Variants in CNBD1 observed in about 807,000 individuals in gnomAD.
CNBD1 encodes cyclic nucleotide-binding domain-containing protein 1.
CNBD1 carries 71 observed loss-of-function variants against 54.4 expected under a neutral mutation model. The ratio of observed to expected loss-of-function variants is 1.30; its 90% CI spans 1.08 to 1.59. CNBD1 has a LOEUF of 1.59. CNBD1 is among the 40% of genes most tolerant of loss of function. The pLI is 0.00. For missense variants in CNBD1, 659 were observed against 518.0 expected, an observed-to-expected ratio of 1.27 and a Z score of -2.64; for synonymous variants, 182 against 170.7, an observed-to-expected ratio of 1.07 and a Z score of -0.51.
intron 4 of CNBD1, among the ~76,000 whole-genome samples, chr8:87,032,536 G>C (rs1809817595): frequency 6.6e-6 from 1 of 152,126 alleles, no homozygotes; most frequent in African/African-American, 2.4e-5. Flanking sequence ...TGAGGAGCAG[G>C]AGAAAGAGGA....
At chr8:86,914,928 G>A (rs1001585490) in intron 3 of CNBD1, among the ~76,000 whole-genome samples, 5 of 152,248 alleles carry the variant, frequency 3.3e-5, no homozygotes, top group South Asian at 4.1e-4. Flanking sequence ...AATTATAACC[G>A]CCCAATGGGT....
chr8:87,011,248 C>A (rs1435097753), intron 4 of CNBD1, among the ~76,000 whole-genome samples: 2 of 146,282 alleles, frequency 1.4e-5, no homozygotes, highest in African/African-American at 5.0e-5. Context: ...CTAAAGAATT[C>A]TCTGCTTAGA....
chr8:87,369,942 T>C (rs1321986161), intron 10 of CNBD1, among the ~76,000 whole-genome samples: 1 of 152,066 alleles, frequency 6.6e-6, no homozygotes, highest in African/African-American at 2.4e-5. Flanking sequence ...GTGTTCTCAT[T>C]GTTCAATTCC....
At chr8:86,930,278 G>T (rs1048783439) in intron 3 of CNBD1, among the ~76,000 whole-genome samples, 1 of 152,192 alleles carries the variant, frequency 6.6e-6, no homozygotes, top group Non-Finnish European at 1.5e-5. Context: ...CTAGATATTT[G>T]ACTTGTTGTA....
At chr8:87,236,861 T>C (rs899536039) in intron 5 of CNBD1, 58 bp from the exon 6 acceptor site, 1 of 1,001,796 alleles carries the variant, frequency 1.0e-6, no homozygotes, top group Non-Finnish European at 1.5e-6. Flanking sequence ...ATATTAGTCA[T>C]ATCTATATCA....
At chr8:87,392,379 C>T (rs1811325791) in intron 2 of CNBD1, among the ~76,000 whole-genome samples, 1 of 151,896 alleles carries the variant, frequency 6.6e-6, no homozygotes, top group African/African-American at 2.4e-5. Flanking sequence ...CAGCATTATT[C>T]ATAATAGCCA....
chr8:86,959,889 C>T (rs763193983), intron 4 of CNBD1, among the ~76,000 whole-genome samples: 9 of 152,136 alleles, frequency 5.9e-5, no homozygotes, highest in Admixed American at 2.0e-4. Flanking sequence ...AGCTGTGTTC[C>T]GTTGTTGGCG....
intron 2 of CNBD1, among the ~76,000 whole-genome samples, chr8:86,896,412 T>G (rs553105977): frequency 6.6e-6 from 1 of 152,272 alleles, no homozygotes; most frequent in East Asian, 1.9e-4. Context: ...ACAATATTAA[T>G]TTTTCTGATC....
chr8:87,149,102 A>G (rs1812548483), intron 4 of CNBD1, among the ~76,000 whole-genome samples: 2 of 152,196 alleles, frequency 1.3e-5, no homozygotes, highest in African/African-American at 4.8e-5. Context: ...AGGCTCAGAA[A>G]TCTAGAGGTT....
At chr8:86,905,711 C>T (rs944448740) in intron 3 of CNBD1, among the ~76,000 whole-genome samples, 5 of 152,026 alleles carry the variant, frequency 3.3e-5, no homozygotes, top group African/African-American at 9.7e-5. Context: ...AAGGGTGTTG[C>T]GGAAGGTGTA....
intron 6 of CNBD1, among the ~76,000 whole-genome samples, chr8:87,256,489 G>A (rs757411640): frequency 4.6e-5 from 7 of 151,886 alleles, no homozygotes; most frequent in East Asian, 3.9e-4. Flanking sequence ...AGCTTCACTC[G>A]TCCCAGGTTG....
chr8:87,337,509 C>T (rs1809970470), intron 8 of CNBD1, among the ~76,000 whole-genome samples: 1 of 152,224 alleles, frequency 6.6e-6, no homozygotes, highest in Non-Finnish European at 1.5e-5. Context: ...GTGGTGATGG[C>T]CATTCCCTCC....
intron 6 of CNBD1, among the ~76,000 whole-genome samples, chr8:87,276,008 A>T (rs1205209887): frequency 3.3e-5 from 5 of 151,992 alleles, no homozygotes; most frequent in Admixed American, 2.0e-4. Flanking sequence ...AATCCACCTT[A>T]CAAGGGACCT....
intron 8 of CNBD1, among the ~76,000 whole-genome samples, chr8:87,303,453 A>G (rs201313255): frequency 7.3e-5 from 11 of 151,600 alleles, no homozygotes; most frequent in African/African-American, 2.4e-5. Context: ...GCTGAAACTG[A>G]ATCCCTTCCT....
chr8:87,375,647 G>T (rs922001543), intron 10 of CNBD1, among the ~76,000 whole-genome samples: 2 of 151,804 alleles, frequency 1.3e-5, no homozygotes, highest in East Asian at 1.9e-4. Flanking sequence ...CCATTCCAAA[G>T]CTTCAAAGAA....
chr8:87,410,753 A>C (rs925158414), intron 2 of CNBD1, among the ~76,000 whole-genome samples: 4 of 152,136 alleles, frequency 2.6e-5, no homozygotes, highest in African/African-American at 7.2e-5. Context: ...TGAAAGGAAG[A>C]GTCAGCTGAT....
intron 6 of CNBD1, among the ~76,000 whole-genome samples, chr8:87,241,267 G>GTTTTTTTTTTTTTTT: frequency 8.6e-6 from 1 of 116,658 alleles, no homozygotes; most frequent in African/African-American, 4.1e-5. Flanking sequence ...GTATTTGGAA[G>GTTTTTTTTTTTTTTT]ATTTTTTTTT....
At chr8:87,250,001 G>T (rs369066792) in intron 6 of CNBD1, among the ~76,000 whole-genome samples, 6 of 152,186 alleles carry the variant, frequency 3.9e-5, no homozygotes, top group African/African-American at 1.4e-4. Flanking sequence ...AAAAGTTTCT[G>T]CCCAGCAAAT....
intron 2 of CNBD1, among the ~76,000 whole-genome samples, chr8:87,411,397 C>CATATATATATATAT (rs6150689): frequency 0.011 from 996 of 92,300 alleles, 33 homozygotes; most frequent in African/African-American, 0.017. Context: ...CTAGCTATAT[C>CATATATATATATAT]ATATATATAT....
Sources: allele counts gnomAD v4.1 joint callset (sites outside exome capture counted in the v4.1 genomes callset), GRCh38; gene constraint gnomAD v4.1.1; transcripts MANE v1.5; gene names NCBI Gene and HGNC (gene_info 2026-07-23, HGNC 2026-07-21).